The following MMD variants were observed in gnomAD, a reference collection of about 807,000 sequenced individuals.
MMD encodes the protein monocyte to macrophage differentiation factor.
MMD carries 22 observed loss-of-function variants against 33.6 expected under a neutral mutation model. That is an observed-to-expected ratio of 0.66 (90% CI 0.47 to 0.94). MMD has a LOEUF of 0.94. Ranked by LOEUF, MMD falls within the 40% of genes least tolerant of loss-of-function variation. MMD has a pLI of 0.00. For synonymous variants in MMD, 97 were observed against 103.2 expected (o/e 0.94, Z 0.36); for missense variants, 242 against 309.8 (o/e 0.78, Z 1.64).
At chr17:55,406,758 C>T (rs775024097) in intron 4 of MMD, among the ~76,000 whole-genome samples, 14 of 151,740 alleles carry the variant, frequency 9.2e-5, no homozygotes, top group African/African-American at 2.7e-4. Context: ...TGGTGGCACA[C>T]GCCTGTAGTC....
At chr17:55,414,856 A>C (rs1907909332) in intron 1 of MMD, among the ~76,000 whole-genome samples, 2 of 152,120 alleles carry the variant, frequency 1.3e-5, no homozygotes, top group Admixed American at 1.3e-4. Flanking sequence ...GTATGTTTTC[A>C]CCTTTGTTCT....
chr17:55,402,329 T>C (rs973169224), intron 5 of MMD, among the ~76,000 whole-genome samples: 2 of 152,122 alleles, frequency 1.3e-5, no homozygotes, highest in African/African-American at 4.8e-5. Context: ...GTAATTTTGT[T>C]TGTCTCTTTA....
At chr17:55,411,693 T>C (rs1158729005) in intron 2 of MMD, among the ~76,000 whole-genome samples, 1 of 140,966 alleles carries the variant, frequency 7.1e-6, no homozygotes, top group East Asian at 2.5e-4. Flanking sequence ...GCAAAACAGA[T>C]GGTTTTTTTT....
At chr17:55,420,260 G>A (rs980939989) in intron 1 of MMD, 2 of 152,208 alleles carry the variant, frequency 1.3e-5, no homozygotes, top group African/African-American at 4.8e-5. Flanking sequence ...GGGCTTCACT[G>A]ATCATGACTG....
rs117196686 is a variant in MMD, at chr17:55,419,326, T to A, written c.26+2344A>T. On this transcript the variant is annotated intron_variant, in intron 1 of 6. Transcript: ENST00000262065. Reference sequence around the variant, plus strand: ...TTGTGTTTGTCTATGTGTGTGTAGGTATCTTGGGGATACTCAAGTGTGAAA... The same window carrying A: ...TTGTGTTTGTCTATGTGTGTGTAGGAATCTTGGGGATACTCAAGTGTGAAA... 8.8e-3 allele frequency among the ~76,000 whole-genome samples: 1,346 copies of A among 152,368 alleles called. 11 individuals are homozygous for A. The highest frequency in any genetic ancestry group is 0.012 in the Admixed American group (180 of 15,308).
intron 1 of MMD, among the ~76,000 whole-genome samples, chr17:55,416,190 T>C (rs1907962598): frequency 6.6e-6 from 1 of 152,140 alleles, no homozygotes; most frequent in African/African-American, 2.4e-5. Flanking sequence ...TAGGGTGCAG[T>C]AAGTAGGATT....
Position 55,421,628 on chromosome 17 carries a change from CT to C in MMD, c.26+41del, listed in dbSNP as rs770483631. ...CTTAACGGCGGGATTTGGGAACCCG[CT>C]TCTGACACGGGCAGCGGGACCGGGA... On this transcript the variant is annotated intron_variant, in intron 1 of 6. Coordinates refer to ENST00000262065, the MANE Select transcript of MMD (RefSeq NM_012329.3). 29 of 1,597,226 alleles carry C rather than the reference CT, an allele frequency of 1.8e-5. No individual in the cohort carries two copies. In the African/African-American group the frequency reaches 3.7e-4, roughly 20 times the overall value.
At chr17:55,411,542 C>T (rs1907763331) in intron 2 of MMD, 125 bp from the exon 3 acceptor site, 2 of 1,175,352 alleles carry the variant, frequency 1.7e-6, no homozygotes, top group South Asian at 1.6e-5. Flanking sequence ...AAGTATTTGT[C>T]TCTCCTGGAT....
At chr17:55,402,309 G>A (rs1370865130) in intron 5 of MMD, among the ~76,000 whole-genome samples, 1 of 152,072 alleles carries the variant, frequency 6.6e-6, no homozygotes, top group Non-Finnish European at 1.5e-5. Context: ...AAGCCCTAAG[G>A]AAAGGACGTG....
At chr17:55,413,012 TTA>T (rs1907821361) in intron 2 of MMD, among the ~76,000 whole-genome samples, 1 of 152,182 alleles carries the variant, frequency 6.6e-6, no homozygotes, top group Non-Finnish European at 1.5e-5. Context: ...TTTAATAAGA[TTA>T]TATTTTCTGT....
In MMD at chr17:55,411,807, T is replaced by C. The variant is rs527458322; in HGVS notation, c.109-390A>G. Reference sequence around the variant, plus strand: ...CAAATGCCAAGCAGGCAGGGTGTGGTAGCTCATGACTGTAATCCCAGCACT... The same window carrying C: ...CAAATGCCAAGCAGGCAGGGTGTGGCAGCTCATGACTGTAATCCCAGCACT... On this transcript the variant is annotated intron_variant, in intron 2 of 6. Transcript: ENST00000262065. Among the ~76,000 whole-genome samples the C allele has an allele frequency of 3.3e-5, 5 of 152,290 alleles. No homozygotes were observed. The South Asian group carries it at 8.3e-4, about 25-fold the overall frequency.
At chr17:55,400,873 C>CT (rs796081559) in intron 6 of MMD, among the ~76,000 whole-genome samples, 7 of 151,902 alleles carry the variant, frequency 4.6e-5, no homozygotes, top group African/African-American at 1.7e-4. Flanking sequence ...TAATGTTACA[C>CT]TTTACCCACG....
At chr17:55,414,478 T>C (rs1320535000) in intron 1 of MMD, among the ~76,000 whole-genome samples, 2 of 149,922 alleles carry the variant, frequency 1.3e-5, no homozygotes, top group Non-Finnish European at 3.0e-5. Flanking sequence ...AAACCTTCCA[T>C]AACCAAAAGC....
rs1907433154 is a variant in MMD at position 55,403,679 on chromosome 17, G to A, written c.446+88C>T. 3 of 892,548 alleles carry A rather than the reference G, an allele frequency of 3.4e-6. No individual in the cohort carries two copies. The Admixed American group carries it at 7.7e-5, about 23-fold the overall frequency. The allele number at this position is 892,548 out of a possible 1,614,324, so 55.3% of individuals were successfully genotyped here. On this transcript the variant is annotated intron_variant, in intron 5 of 6. Transcript: ENST00000262065. Reference sequence around the variant, plus strand: ...ATATATGTATTTCTACTGTTTTGAAGTACAAATAAAAGTAAATTGTATTGC... The same window carrying A: ...ATATATGTATTTCTACTGTTTTGAAATACAAATAAAAGTAAATTGTATTGC...
chr17:55,414,188 G>A lies in MMD; in HGVS notation c.71C>T (p.Thr24Ile). 1 of 1,613,934 alleles carries A rather than the reference G, an allele frequency of 6.2e-7. No homozygotes were observed. Among genetic ancestry groups the A allele is most frequent in the African/African-American group, 1.3e-5 (1 of 75,038 alleles). ...ACAGTTAGCAGCATGTTCATAGCAA[G>A]TTGGCTTGTAGCGGCCATTGGCTGG... ...RAPANGRYKP[T>I]CYEHAANCYT... is the part of the protein sequence containing the mutation. Residue 24 changes from threonine (T) to isoleucine (I), a missense_variant, in exon 2 of 7, where the codon ACT becomes ATT. By Grantham distance (89) the Thr-to-Ile change is moderately conservative. Transcript: ENST00000262065.
At chr17:55,410,186 G>T (rs1481941150) in intron 3 of MMD, among the ~76,000 whole-genome samples, 1 of 152,186 alleles carries the variant, frequency 6.6e-6, no homozygotes, top group Non-Finnish European at 1.5e-5. Context: ...AAAATGAAGT[G>T]ATTTGAATTA....
At chr17:55,414,598 ACG>A (rs1491266543) in intron 1 of MMD, among the ~76,000 whole-genome samples, 1 of 132,668 alleles carries the variant, frequency 7.5e-6, no homozygotes, top group African/African-American at 2.6e-5. Context: ...ACACACACAC[ACG>A]GTACAACTAG....
At chr17:55,394,650 G>T in intron 6 of MMD, 116 bp from the exon 7 acceptor site, 2 of 869,394 alleles carry the variant, frequency 2.3e-6, no homozygotes, top group Non-Finnish European at 1.6e-6. Context: ...GAAGCTGTGT[G>T]AACACAATCC....
intron 5 of MMD, among the ~76,000 whole-genome samples, chr17:55,403,002 C>A (rs1907404700): frequency 6.6e-6 from 1 of 152,058 alleles, no homozygotes; most frequent in South Asian, 2.1e-4. Context: ...GTAAATAAAC[C>A]CAATGACAAA....
Sources: allele counts gnomAD v4.1 joint callset (sites outside exome capture counted in the v4.1 genomes callset), GRCh38; gene constraint gnomAD v4.1.1; transcripts MANE v1.5; gene names NCBI Gene and HGNC (gene_info 2026-07-23, HGNC 2026-07-21).